RPS6KA3: variants seen among roughly 807,000 people sequenced by gnomAD.
The protein encoded by RPS6KA3 is ribosomal protein S6 kinase alpha-3.
A neutral mutation model predicts 67.2 loss-of-function variants in RPS6KA3; 4 were observed. The observed-to-expected ratio is 0.06, with a 90% CI of 0.03 to 0.14. The LOEUF (loss-of-function observed/expected upper bound fraction) is 0.14. Ranked by LOEUF, RPS6KA3 falls within the 10% of genes least tolerant of loss-of-function variation. The probability of loss-of-function intolerance (pLI) is 1.00; values close to 1 mark genes in which losing one functional copy is unlikely to be tolerated. For synonymous variants in RPS6KA3, 182 were observed against 183.7 expected, an observed-to-expected ratio of 0.99 and a Z score of 0.07; for missense variants, 204 against 559.0, an observed-to-expected ratio of 0.36 and a Z score of 6.40.
At chrX:20,254,145 AT>A (rs1423425903) in intron 1 of RPS6KA3, among the ~76,000 whole-genome samples, 2 of 112,233 alleles carry the variant, frequency 1.8e-5, no homozygotes, top group Non-Finnish European at 3.8e-5. Flanking sequence ...ACTTCTTCAA[AT>A]AACATACCTG....
chrX:20,164,842 C>T, intron 18 of RPS6KA3, 57 bp downstream of exon 18: 2 of 871,609 alleles, frequency 2.3e-6, no homozygotes, highest in East Asian at 3.1e-5. Flanking sequence ...CGGTATTAAA[C>T]ATAGTGAATG....
chrX:20,202,917 C>CA (rs1298067161), intron 4 of RPS6KA3, among the ~76,000 whole-genome samples: 4 of 111,281 alleles, frequency 3.6e-5, no homozygotes, highest in Non-Finnish European at 5.6e-5. Context: ...TAGCAGGAAT[C>CA]AAGTAAGTGG....
intron 2 of RPS6KA3, among the ~76,000 whole-genome samples, chrX:20,221,403 A>T (rs758227545): frequency 8.9e-6 from 1 of 112,058 alleles, no homozygotes; most frequent in African/African-American, 3.2e-5. Flanking sequence ...AAAATAATGG[A>T]TGCCCATTGT....
intron 2 of RPS6KA3, chrX:20,218,904 C>T (rs942746718): frequency 7.2e-6 from 7 of 973,738 alleles, no homozygotes; most frequent in African/African-American, 1.9e-5. Flanking sequence ...AAAGGGAAGG[C>T]CAAGCCCCTG....
intron 1 of RPS6KA3, among the ~76,000 whole-genome samples, chrX:20,235,746 C>T (rs921867106): frequency 9.0e-6 from 1 of 111,315 alleles, no homozygotes; most frequent in African/African-American, 3.3e-5. Flanking sequence ...TTCAGGAAGG[C>T]AATCCGAGTC....
At chrX:20,204,142 T>G in intron 3 of RPS6KA3, 39 bp from the exon 4 acceptor site, 2 of 868,541 alleles carry the variant, frequency 2.3e-6, no homozygotes, top group Non-Finnish European at 3.4e-6. Context: ...TACAAAGTAG[T>G]ATAAACTATA....
At chrX:20,192,601 T>C (rs1450924275) in intron 7 of RPS6KA3, among the ~76,000 whole-genome samples, 13 of 90,205 alleles carry the variant, frequency 1.4e-4, no homozygotes, top group South Asian at 5.7e-4. Context: ...TCTTTTTTTT[T>C]TTTTTTTTTT....
At chrX:20,199,019 C>G (rs767308703) in intron 4 of RPS6KA3, among the ~76,000 whole-genome samples, 147 of 110,296 alleles carry the variant, frequency 1.3e-3, no homozygotes, top group African/African-American at 4.4e-3. Flanking sequence ...TTACAGGTGC[C>G]CGCCACCACA....
intron 1 of RPS6KA3, among the ~76,000 whole-genome samples, chrX:20,259,822 A>C (rs746898088): frequency 4.5e-5 from 5 of 111,625 alleles, no homozygotes; most frequent in Admixed American, 2.9e-4. Flanking sequence ...ACATTTCCCC[A>C]ACTTACTTGA....
intron 10 of RPS6KA3, among the ~76,000 whole-genome samples, chrX:20,180,505 G>A (rs1232239127): frequency 2.7e-5 from 3 of 112,031 alleles, no homozygotes; most frequent in Non-Finnish European, 5.6e-5. Flanking sequence ...AAAATCCATT[G>A]AATTGATCAA....
chrX:20,238,324 C>G (rs905934324), intron 1 of RPS6KA3, among the ~76,000 whole-genome samples: 37 of 111,530 alleles, frequency 3.3e-4, no homozygotes, highest in African/African-American at 1.2e-3. Context: ...TTGGAATGCC[C>G]TCAACACAAT....
At chrX:20,178,440 C>T (rs891212481) in intron 10 of RPS6KA3, among the ~76,000 whole-genome samples, 1 of 107,416 alleles carries the variant, frequency 9.3e-6, no homozygotes, top group Non-Finnish European at 1.9e-5. Flanking sequence ...TTAAAATACA[C>T]TGCATATAAA....
At chrX:20,206,833 G>T (rs2068583744) in intron 3 of RPS6KA3, among the ~76,000 whole-genome samples, 1 of 111,368 alleles carries the variant, frequency 9.0e-6, no homozygotes, top group African/African-American at 3.3e-5. Context: ...TCAGGCAGAA[G>T]GAATAAAATA....
At chrX:20,172,935 AG>A in intron 14 of RPS6KA3, 64 bp from the exon 15 acceptor site, 1 of 1,005,592 alleles carries the variant, frequency 9.9e-7, no homozygotes, top group Non-Finnish European at 1.4e-6. Flanking sequence ...ATAATAGGGA[AG>A]TATGTTACTC....
At position 20,175,223 on chromosome X, in the gene RPS6KA3, T is replaced by A; in HGVS notation, c.1168A>T (p.Ile390Phe). The A allele has an allele frequency of 8.3e-7, 1 of 1,207,236 alleles. No individual in the cohort carries two copies. Among genetic ancestry groups the A allele is most frequent in the Non-Finnish European group, 1.1e-6 (1 of 891,304 alleles). Residue 390 changes from isoleucine (I) to phenylalanine (F), a missense_variant, in exon 14 of 22, where the codon ATT becomes TTT. This residue lies in a region of RPS6KA3 where 24 missense variants were observed against 25.1 expected (regional missense o/e 0.96). Coordinates refer to ENST00000379565, the MANE Select transcript of RPS6KA3 (RefSeq NM_004586.3). ...QLFRGFSFVAITSDDESQAMQ... is the reference protein window; with the variant it reads ...QLFRGFSFVAFTSDDESQAMQ... ...GCTTGGCTTTCATCATCTGAGGTAA[T>A]AGCAACAAAACTAAACCCCCGAAAA...
chrX:20,217,751 G>C (rs1196324920), intron 2 of RPS6KA3, among the ~76,000 whole-genome samples: 1 of 111,851 alleles, frequency 8.9e-6, no homozygotes, highest in African/African-American at 3.2e-5. Context: ...GATACCTATA[G>C]TTCTATAACA....
chrX:20,177,505 G>A (rs758814181), intron 10 of RPS6KA3, among the ~76,000 whole-genome samples: 5 of 112,729 alleles, frequency 4.4e-5, no homozygotes, highest in Admixed American at 1.9e-4. Flanking sequence ...TTATGTACAG[G>A]TTTTCATGTG....
chrX:20,217,090 T>C (rs2068875617), intron 2 of RPS6KA3, among the ~76,000 whole-genome samples: 1 of 112,052 alleles, frequency 8.9e-6, no homozygotes, highest in African/African-American at 3.2e-5. Flanking sequence ...GTAAAGAGTG[T>C]CATTTTGGAC....
At chrX:20,169,089 G>A (rs972844567) in intron 16 of RPS6KA3, among the ~76,000 whole-genome samples, 2 of 112,079 alleles carry the variant, frequency 1.8e-5, no homozygotes, top group African/African-American at 3.2e-5. Flanking sequence ...CTGGGCTCAA[G>A]CAATCCTCCT....
Sources: gnomAD v4.1 joint callset for allele counts (sites outside exome capture counted in the v4.1 genomes callset) on GRCh38, gnomAD v4.1.1 for gene constraint, gnomAD v4.1.1 regional missense constraint, MANE v1.5 for transcripts, NCBI Gene and HGNC (gene_info 2026-07-23, HGNC 2026-07-21) for gene names.